SDK2: variants seen among roughly 807,000 people sequenced by gnomAD.
SDK2 encodes sidekick cell adhesion molecule 2.
In SDK2, 105 loss-of-function variants were observed where a neutral mutation model predicts 253.9. That is an observed-to-expected ratio of 0.41 (90% confidence interval 0.35 to 0.49). The LOEUF (loss-of-function observed/expected upper bound fraction) is 0.49, where lower values mean the gene tolerates loss of function less well. Among genes scored for constraint, SDK2 ranks in the 20% least tolerant of loss-of-function variants. SDK2 has a pLI of 0.06. For missense variants in SDK2, 2,608 were observed against 3,003.0 expected, an observed-to-expected ratio of 0.87 and a Z score of 3.07; for synonymous variants, 1,249 against 1,234.9, an observed-to-expected ratio of 1.01 and a Z score of -0.24.
intron 33 of SDK2, among the ~76,000 whole-genome samples, 178 bp from the exon 34 acceptor site, chr17:73,381,128 TG>T (rs1182087474): frequency 6.6e-6 from 1 of 152,168 alleles, no homozygotes; most frequent in African/African-American, 2.4e-5. Flanking sequence ...ATAACAGGGT[TG>T]TGGGGGCAGG....
At chr17:73,584,575 G>A (rs2045579671) in intron 1 of SDK2, among the ~76,000 whole-genome samples, 1 of 152,226 alleles carries the variant, frequency 6.6e-6, no homozygotes, top group Non-Finnish European at 1.5e-5. Flanking sequence ...ACGTACCCAG[G>A]GAGCACCTTC....
chr17:73,620,012 A>T (rs548416881), intron 1 of SDK2, among the ~76,000 whole-genome samples: 137 of 152,318 alleles, frequency 9.0e-4, no homozygotes, highest in African/African-American at 3.2e-3. Context: ...CAGCCTGGGC[A>T]ACATGGTGAA....
intron 18 of SDK2, among the ~76,000 whole-genome samples, chr17:73,413,198 C>T (rs2063153692): frequency 6.6e-6 from 1 of 152,036 alleles, no homozygotes; most frequent in African/African-American, 2.4e-5. Context: ...TCGATTCTCA[C>T]AGGAGCGTGA....
rs540772677 is a variant in SDK2 at position 73,343,835 on chromosome 17, C to A, written c.6165+4764G>T. Among the ~76,000 whole-genome samples the A allele has an allele frequency of 7.7e-4, 117 of 152,298 alleles. 1 individual carries two copies. The highest frequency in any genetic ancestry group is 2.7e-3 in the African/African-American group (113 of 41,554). ...GAGACCTTGGGGTCAGGCAGGGGACCCTTATCTTGTTGAATCTCATGAAGT... is the reference window on the plus strand; with the variant it reads ...GAGACCTTGGGGTCAGGCAGGGGACACTTATCTTGTTGAATCTCATGAAGT... On this transcript the variant is annotated intron_variant, in intron 44 of 44. Transcript: ENST00000392650.
intron 4 of SDK2, among the ~76,000 whole-genome samples, chr17:73,451,331 AC>A (rs941863594): frequency 6.6e-6 from 1 of 152,050 alleles, no homozygotes; most frequent in African/African-American, 2.4e-5. Flanking sequence ...ACATGGTAAA[AC>A]CCTGTATCTA....
intron 3 of SDK2, among the ~76,000 whole-genome samples, chr17:73,461,469 T>C (rs16977637): frequency 0.026 from 3,962 of 152,272 alleles, 170 homozygotes; most frequent in African/African-American, 0.086. Context: ...GGGATTTAGG[T>C]GAGGCTTTTC....
chr17:73,370,881 G>C (rs2145443087), intron 36 of SDK2, among the ~76,000 whole-genome samples: 1 of 151,784 alleles, frequency 6.6e-6, no homozygotes. Flanking sequence ...TGGGCAACAT[G>C]GCAAGACCCC....
intron 1 of SDK2, among the ~76,000 whole-genome samples, chr17:73,551,470 C>T (rs973360705): frequency 9.9e-5 from 15 of 152,222 alleles, no homozygotes; most frequent in Admixed American, 7.2e-4. Context: ...GGGGGCGGAG[C>T]GGCCGAGGCC....
chr17:73,643,957 T>TCCCC lies in SDK2; in HGVS notation c.64+67_64+68insGGGG. The TCCCC allele has an allele frequency of 3.9e-6, 4 of 1,019,996 alleles. No homozygotes were observed. The highest frequency in any genetic ancestry group is 3.0e-6 in the Non-Finnish European group (2 of 674,880). 63.2% of individuals were successfully genotyped at this position (1,019,996 alleles called of 1,614,324 possible). On this transcript the variant is annotated intron_variant, in intron 1 of 44. Coordinates refer to ENST00000392650, the MANE Select transcript of SDK2 (RefSeq NM_001144952.2). This position sits in a 1 kb window ranked among gnomAD's most constrained non-coding sequence, Gnocchi z 6.9. ...GGAGGTCACCGTGAGGCCGGCCAGCTCCCGCCGCCCCTCCCCCGCCCACTC... is the reference window on the plus strand; with the variant it reads ...GGAGGTCACCGTGAGGCCGGCCAGCTCCCCCCCGCCGCCCCTCCCCCGCCCACTC...
intron 2 of SDK2, among the ~76,000 whole-genome samples, chr17:73,478,999 G>A (rs947484461): frequency 6.6e-6 from 1 of 152,260 alleles, no homozygotes; most frequent in Non-Finnish European, 1.5e-5. Context: ...CATGCACGCC[G>A]TGCTGTGCAC....
chr17:73,432,846 ATG>A lies in SDK2; in HGVS notation c.1312+884_1312+885del, dbSNP rs577653025. ...TGTACGTGTGCATGTATGTGTGTGC[ATG>A]TGTGTGCACATGCGTGTGTGTGCAT... On this transcript the variant is annotated intron_variant, in intron 10 of 44. Coordinates refer to ENST00000392650, the MANE Select transcript of SDK2 (RefSeq NM_001144952.2). 1.1e-4 allele frequency among the ~76,000 whole-genome samples: 16 copies of A among 149,916 alleles called. No homozygotes were observed. In the East Asian group the frequency reaches 3.1e-3, roughly 29 times the overall value.
At chr17:73,401,509 A>G in intron 20 of SDK2, 145 bp downstream of exon 20, 1 of 788,930 alleles carries the variant, frequency 1.3e-6, no homozygotes, top group Non-Finnish European at 2.2e-6. Context: ...GGAGGTGCCA[A>G]GAGCCTCCTG....
intron 39 of SDK2, 35 bp from the exon 40 acceptor site, chr17:73,358,239 A>C: frequency 6.4e-7 from 1 of 1,558,044 alleles, no homozygotes; most frequent in Non-Finnish European, 8.6e-7. Flanking sequence ...GGATGTATGG[A>C]ACCCAGAACA....
intron 1 of SDK2, among the ~76,000 whole-genome samples, chr17:73,574,407 C>T (rs1383284270): frequency 7.7e-6 from 1 of 129,248 alleles, no homozygotes; most frequent in Non-Finnish European, 1.7e-5. Context: ...TCACAGCTGA[C>T]ATCACGTGCA....
intron 29 of SDK2, among the ~76,000 whole-genome samples, chr17:73,388,995 T>TTCCCCC (rs1159876306): frequency 9.4e-6 from 1 of 106,510 alleles, no homozygotes; most frequent in African/African-American, 3.5e-5. Context: ...CCCCTTCCCC[T>TTCCCCC]CCTTCCTTTT....
intron 4 of SDK2, among the ~76,000 whole-genome samples, chr17:73,448,746 C>T (rs994797144): frequency 3.3e-5 from 5 of 151,074 alleles, no homozygotes; most frequent in Non-Finnish European, 2.9e-5. Context: ...CTGCAACCTC[C>T]GCCTTCCCGG....
At chr17:73,501,770 A>G (rs2063892970) in intron 2 of SDK2, among the ~76,000 whole-genome samples, 1 of 152,206 alleles carries the variant, frequency 6.6e-6, no homozygotes, top group Non-Finnish European at 1.5e-5. Flanking sequence ...AATAATCCTA[A>G]CAGGTACCAT....
At chr17:73,613,294 C>T (rs374247238) in intron 1 of SDK2, among the ~76,000 whole-genome samples, 1 of 152,218 alleles carries the variant, frequency 6.6e-6, no homozygotes, top group African/African-American at 2.4e-5. Context: ...GACTCCAAGC[C>T]CCGTCTCCCT....
chr17:73,608,924 A>G (rs1164702415), intron 1 of SDK2, among the ~76,000 whole-genome samples: 1 of 152,118 alleles, frequency 6.6e-6, no homozygotes, highest in African/African-American at 2.4e-5. Flanking sequence ...CGCAGCGGAG[A>G]AGGATGATGA....
Sources: gnomAD v4.1 joint callset for allele counts (sites outside exome capture counted in the v4.1 genomes callset) on GRCh38, gnomAD v4.1.1 for gene constraint, Gnocchi (gnomAD v3.1) non-coding constraint, MANE v1.5 for transcripts, NCBI Gene and HGNC (gene_info 2026-07-23, HGNC 2026-07-21) for gene names.